The following EYA2 variants were observed in gnomAD, a reference collection of about 807,000 sequenced individuals.
EYA2 encodes EYA transcriptional coactivator and phosphatase 2.
A neutral mutation model predicts 69.2 loss-of-function variants in EYA2; 31 were observed. The observed-to-expected ratio is 0.45, with a 90% CI of 0.34 to 0.60. EYA2 has a LOEUF of 0.60. Ranked by LOEUF, EYA2 falls within the 20% of genes least tolerant of loss-of-function variation. The pLI, the probability that EYA2 is intolerant of heterozygous loss-of-function variation, is 0.02. For synonymous variants in EYA2, 257 were observed against 279.4 expected, an observed-to-expected ratio of 0.92 and a Z score of 0.80; for missense variants, 622 against 701.2, an observed-to-expected ratio of 0.89 and a Z score of 1.28.
intron 11 of EYA2, among the ~76,000 whole-genome samples, chr20:47,172,025 G>A (rs1316751170): frequency 6.6e-6 from 1 of 151,904 alleles, no homozygotes; most frequent in Non-Finnish European, 1.5e-5. Flanking sequence ...CTTGAACCTG[G>A]GAGGCAGAGG....
chr20:47,063,392 CGTGTGTGTGTGT>C lies in EYA2; in HGVS notation c.416-8766_416-8755del, dbSNP rs35187186. On this transcript the variant is annotated intron_variant, in intron 5 of 15. Transcript: ENST00000327619. ...GTTTATTTGTGTGTGTGTGCGTGTG[CGTGTGTGTGTGT>C]GTGTGTGTGTGTGTGTGTGTGTGTG... 5.5e-3 allele frequency among the ~76,000 whole-genome samples: 791 copies of C among 143,484 alleles called. 7 individuals are homozygous for C. The highest frequency in any genetic ancestry group is 0.019 in the African/African-American group (715 of 37,962). The allele number at this position is 143,484 out of a possible 152,430, so 94.1% of individuals were successfully genotyped here.
intron 9 of EYA2, among the ~76,000 whole-genome samples, chr20:47,127,128 ATTAAC>A (rs2033212403): frequency 6.6e-6 from 1 of 151,976 alleles, no homozygotes; most frequent in Admixed American, 6.6e-5. Flanking sequence ...AAGTTAATTA[ATTAAC>A]TTAGTGAATT....
At chr20:46,952,992 G>T (rs985792911) in intron 1 of EYA2, among the ~76,000 whole-genome samples, 1 of 152,194 alleles carries the variant, frequency 6.6e-6, no homozygotes. Flanking sequence ...GTTTTGCACA[G>T]CTCATAGAGT....
intron 9 of EYA2, among the ~76,000 whole-genome samples, chr20:47,134,396 A>G (rs568736508): frequency 6.6e-6 from 1 of 152,242 alleles, no homozygotes; most frequent in African/African-American, 2.4e-5. Context: ...CAAGCTACAC[A>G]GTAATAATAG....
intron 5 of EYA2, among the ~76,000 whole-genome samples, chr20:47,059,876 T>C (rs1351058016): frequency 6.6e-6 from 1 of 152,200 alleles, no homozygotes; most frequent in Non-Finnish European, 1.5e-5. Context: ...CACATCTGTG[T>C]CTTTGCCACA....
intron 7 of EYA2, among the ~76,000 whole-genome samples, chr20:47,080,983 G>A (rs2031693209): frequency 6.6e-6 from 1 of 152,102 alleles, no homozygotes; most frequent in South Asian, 2.1e-4. Flanking sequence ...TCCTCCCTCA[G>A]CCTCTCAAGT....
At chr20:47,049,064 A>G (rs1234494099) in intron 5 of EYA2, among the ~76,000 whole-genome samples, 2 of 152,230 alleles carry the variant, frequency 1.3e-5, no homozygotes, top group South Asian at 2.1e-4. Flanking sequence ...CAGAGGCACT[A>G]AGTCACTTGC....
Position 47,112,862 on chromosome 20 carries a change from C to CTTTTTTT in EYA2, c.888+15715_888+15721dup, listed in dbSNP as rs11473217. Among the ~76,000 whole-genome samples the CTTTTTTT allele has an allele frequency of 5.9e-4, 33 of 55,836 alleles. 7 individuals carry two copies. The highest frequency in any genetic ancestry group is 8.7e-4 in the Admixed American group (3 of 3,452). 36.6% of individuals were successfully genotyped at this position (55,836 alleles called of 152,430 possible). ...CAAAAGTTAGATTTCATGTTCACTC[C>CTTTTTTT]TTTTTTTTTTTTTTTTTTTTTTTTT... On this transcript the variant is annotated intron_variant, in intron 9 of 15. Transcript: ENST00000327619.
chr20:47,090,063 G>A (rs935637201), intron 8 of EYA2, among the ~76,000 whole-genome samples: 3 of 151,988 alleles, frequency 2.0e-5, no homozygotes, highest in Non-Finnish European at 2.9e-5. Context: ...GACTGCACAC[G>A]ACAATCACAT....
chr20:47,089,586 A>G (rs2032010225), intron 8 of EYA2, among the ~76,000 whole-genome samples: 3 of 152,258 alleles, frequency 2.0e-5, no homozygotes, highest in African/African-American at 7.2e-5. Context: ...AAGCAGCATC[A>G]GAATCACCTG....
intron 5 of EYA2, among the ~76,000 whole-genome samples, chr20:47,066,071 GACTTAC>G (rs1417962125): frequency 1.3e-5 from 2 of 152,054 alleles, no homozygotes; most frequent in African/African-American, 4.8e-5. Flanking sequence ...TGGGCATGGT[GACTTAC>G]ACCTGTAATC....
At chr20:46,980,426 CAAAA>C (rs1369967099) in intron 1 of EYA2, among the ~76,000 whole-genome samples, 3 of 151,964 alleles carry the variant, frequency 2.0e-5, no homozygotes, top group Non-Finnish European at 4.4e-5. Flanking sequence ...GTTCGTAAGA[CAAAA>C]AACTCGCTGT....
chr20:46,975,315 G>A (rs1278793970), intron 1 of EYA2, among the ~76,000 whole-genome samples: 7 of 152,154 alleles, frequency 4.6e-5, no homozygotes, highest in Non-Finnish European at 8.8e-5. Flanking sequence ...TGGGTGAAGG[G>A]TACTCAGGAC....
chr20:46,907,350 C>T (rs951844410), intron 1 of EYA2, among the ~76,000 whole-genome samples: 3 of 152,186 alleles, frequency 2.0e-5, no homozygotes, highest in African/African-American at 4.8e-5. Flanking sequence ...GAGAAGTTAC[C>T]GAGCTAAGTC....
chr20:47,001,264 A>G (rs1982349376), intron 2 of EYA2, among the ~76,000 whole-genome samples, 164 bp from the exon 3 acceptor site: 1 of 152,096 alleles, frequency 6.6e-6, no homozygotes, highest in South Asian at 2.1e-4. Flanking sequence ...CTCAAGAAGA[A>G]GAGTGCTGAG....
intron 5 of EYA2, among the ~76,000 whole-genome samples, chr20:47,064,751 T>G (rs947067395): frequency 6.6e-6 from 1 of 152,212 alleles, no homozygotes; most frequent in Admixed American, 6.5e-5. Flanking sequence ...CCTTTCCCAC[T>G]CTGAGTTTCT....
At chr20:47,027,636 G>A (rs887067644) in intron 5 of EYA2, among the ~76,000 whole-genome samples, 8 of 152,142 alleles carry the variant, frequency 5.3e-5, no homozygotes, top group Admixed American at 6.5e-5. Context: ...GGTAACAGGC[G>A]GAAACAGCTG....
intron 2 of EYA2, among the ~76,000 whole-genome samples, chr20:47,000,661 C>A (rs1473366136): frequency 6.6e-6 from 1 of 152,078 alleles, no homozygotes; most frequent in Non-Finnish European, 1.5e-5. Flanking sequence ...ACGTCTCTCC[C>A]AGCTTAACTC....
At chr20:46,912,315 T>C (rs1984682234) in intron 1 of EYA2, among the ~76,000 whole-genome samples, 1 of 152,234 alleles carries the variant, frequency 6.6e-6, no homozygotes, top group African/African-American at 2.4e-5. Context: ...TTCCCTAGGC[T>C]AGTACTGTGT....
Sources: gnomAD v4.1 joint callset for allele counts (sites outside exome capture counted in the v4.1 genomes callset) on GRCh38, gnomAD v4.1.1 for gene constraint, MANE v1.5 for transcripts, NCBI Gene and HGNC (gene_info 2026-07-23, HGNC 2026-07-21) for gene names.